The following USP14 variants were observed in gnomAD, a reference collection of about 807,000 sequenced individuals.
The protein encoded by USP14 is ubiquitin carboxyl-terminal hydrolase 14.
USP14 carries 38 observed loss-of-function variants against 76.5 expected under a neutral mutation model. That is an observed-to-expected ratio of 0.50 (90% confidence interval 0.38 to 0.65). The LOEUF is 0.65. Among genes scored for constraint, USP14 ranks in the 30% least tolerant of loss-of-function variants. The pLI is 0.00. For missense variants in USP14, 467 were observed against 586.5 expected (o/e 0.80, Z 2.10); for synonymous variants, 192 against 191.7 (o/e 1.00, Z -0.01).
chr18:158,603 C>T lies in USP14; in HGVS notation c.-96C>T, dbSNP rs1909016926. 2.2e-6 allele frequency: 3 copies of T among 1,379,256 alleles called. No homozygotes were observed. Among genetic ancestry groups the T allele is most frequent in the South Asian group, 2.6e-5 (2 of 76,688 alleles). The allele number at this position is 1,379,256 out of a possible 1,614,324, so 85.4% of individuals were successfully genotyped here. A position where few individuals can be genotyped will look rare whatever the true frequency, so the allele number is the denominator to read the frequency against. On this transcript the variant is annotated 5_prime_UTR_variant, in exon 1 of 16. Coordinates refer to ENST00000261601, the MANE Select transcript of USP14 (RefSeq NM_005151.4). ...AGCCGCCGCCACCACCGCGCCTCCGCCTCGGCCGCCGCCGCAGCTGCTCCT... is the reference window on the plus strand; with the variant it reads ...AGCCGCCGCCACCACCGCGCCTCCGTCTCGGCCGCCGCCGCAGCTGCTCCT...
chr18:168,474 G>A (rs917582198), intron 3 of USP14, among the ~76,000 whole-genome samples: 1 of 151,832 alleles, frequency 6.6e-6, no homozygotes, highest in Non-Finnish European at 1.5e-5. Flanking sequence ...TTGCTTTGTC[G>A]CCCAGGCTGG....
At chr18:179,240 GT>G (rs991672572) in intron 4 of USP14, among the ~76,000 whole-genome samples, 28 of 150,918 alleles carry the variant, frequency 1.9e-4, no homozygotes, top group Non-Finnish European at 1.0e-4. Flanking sequence ...ACAGCTAGGG[GT>G]TTTTTTTTGT....
intron 14 of USP14, 130 bp from the exon 15 acceptor site, chr18:210,256 G>T: frequency 1.4e-6 from 1 of 736,114 alleles, no homozygotes; most frequent in African/African-American, 1.8e-5. Flanking sequence ...ACTATGATTG[G>T]ACAGTAGTAT....
At chr18:176,411 C>G (rs928277988) in intron 3 of USP14, among the ~76,000 whole-genome samples, 5 of 152,144 alleles carry the variant, frequency 3.3e-5, no homozygotes, top group Admixed American at 1.3e-4. Context: ...CCTTAGCCTT[C>G]CGACTACCTT....
In USP14 at chr18:214,220, G is replaced by A. The variant is rs190478689; in HGVS notation, c.*2936G>A. 20 of 162,002 alleles carry A rather than the reference G, an allele frequency of 1.2e-4. No homozygotes were observed. Among genetic ancestry groups the A allele is most frequent in the Admixed American group, 6.0e-4 (10 of 16,548 alleles). The allele number at this position is 162,002 out of a possible 1,614,324, so 10.0% of individuals were successfully genotyped here. On this transcript the variant is annotated 3_prime_UTR_variant, in exon 16 of 16. Coordinates refer to ENST00000261601, the MANE Select transcript of USP14 (RefSeq NM_005151.4). ...TTGTTGATCCTCTGCTTGAAAGCAC[G>A]AATAAGTGAGAACAGAGCAGTCATA...
rs1248073616 is a variant in USP14, at chr18:182,736, CAGTT to C, written c.404+2400_404+2403del. On this transcript the variant is annotated intron_variant, in intron 5 of 15. Coordinates refer to ENST00000261601, the MANE Select transcript of USP14 (RefSeq NM_005151.4). ...CTTCTTAGAGTAACTGGTATTTAAA[CAGTT>C]AGGTGTTATCCCAGCCTGGATGAGA... is the stretch of plus-strand genomic sequence containing the variant. Among the ~76,000 whole-genome samples, 6 of 152,238 alleles carry C rather than the reference CAGTT, an allele frequency of 3.9e-5. No homozygotes were observed. The South Asian group carries it at 8.3e-4, about 21-fold the overall frequency.
chr18:158,878 G>A (rs1263679684), intron 1 of USP14, 164 bp downstream of exon 1: 10 of 1,141,552 alleles, frequency 8.8e-6, no homozygotes, highest in Non-Finnish European at 9.9e-6. Context: ...CCCTCTCCCG[G>A]CTGGGTCGGA....
In USP14 at chr18:163,442, G is replaced by A; in HGVS notation, c.151G>A (p.Gly51Arg). The change falls in exon 2 of 16, where the codon GGA becomes AGA. Residue 51 changes from glycine (G) to arginine (R), a missense_variant. Transcript: ENST00000261601. Reference sequence around the variant, plus strand: ...CAGACAGAAAGTTATGGTGAAAGGAGGAACGCTAAAGGTAAAATGTAGTCC... The same window carrying A: ...CAGACAGAAAGTTATGGTGAAAGGAAGAACGCTAAAGGTAAAATGTAGTCC... ...PARQKVMVKG[G>R]TLKDDDWGNI... The A allele has an allele frequency of 6.2e-7, 1 of 1,612,366 alleles. No individual in the cohort carries two copies. The highest frequency in any genetic ancestry group is 8.5e-7 in the Non-Finnish European group (1 of 1,179,400).
intron 13 of USP14, among the ~76,000 whole-genome samples, chr18:209,522 C>T (rs544900008): frequency 6.6e-6 from 1 of 152,270 alleles, no homozygotes; most frequent in African/African-American, 2.4e-5. Context: ...TTCATTTGTG[C>T]TGGCGTGGTA....
At chr18:202,649 G>A (rs577555763) in intron 10 of USP14, among the ~76,000 whole-genome samples, 1 of 152,164 alleles carries the variant, frequency 6.6e-6, no homozygotes, top group South Asian at 2.1e-4. Context: ...ATTTACACTC[G>A]GAGGAATCCA....
chr18:173,603 T>C (rs1004677052), intron 3 of USP14, among the ~76,000 whole-genome samples: 3 of 151,840 alleles, frequency 2.0e-5, no homozygotes, highest in African/African-American at 7.3e-5. Flanking sequence ...TTTAGTATGT[T>C]GTTGGTCAGA....
At chr18:179,585 G>GT (rs1491016859) in intron 4 of USP14, among the ~76,000 whole-genome samples, 3 of 111,664 alleles carry the variant, frequency 2.7e-5, no homozygotes, top group African/African-American at 3.3e-5. Flanking sequence ...TTTTTTTTTT[G>GT]CTTTTTTTTT....
intron 13 of USP14, among the ~76,000 whole-genome samples, chr18:208,219 T>C (rs935806829): frequency 1.1e-4 from 17 of 152,118 alleles, no homozygotes; most frequent in Non-Finnish European, 1.8e-4. Context: ...TATTTCATAT[T>C]GTGTTTGTTT....
intron 10 of USP14, among the ~76,000 whole-genome samples, chr18:201,452 A>T (rs1056051447): frequency 9.9e-5 from 15 of 152,182 alleles, no homozygotes; most frequent in Non-Finnish European, 1.9e-4. Flanking sequence ...ATAGTTTGGG[A>T]TAAGGTTGGC....
chr18:188,169 T>C (rs1909984968), intron 5 of USP14, among the ~76,000 whole-genome samples: 4 of 152,118 alleles, frequency 2.6e-5, no homozygotes, highest in Admixed American at 2.6e-4. Context: ...TTCTTTTTTC[T>C]TTTTTTCTCC....
At position 199,220 on chromosome 18, in the gene USP14, TGAAGAA is replaced by T. The variant is rs758112641; in HGVS notation, c.788_793del (p.Glu263_Glu264del). ...TACAAAGCATGAAATGTACAGAATC[TGAAGAA>T]GAAGAAGTCACCAAAGGAAAGGAAA... is the stretch of plus-strand genomic sequence containing the variant. On this transcript the variant is annotated inframe_deletion, in exon 10 of 16. Transcript: ENST00000261601. 2 of 1,613,278 alleles carry T rather than the reference TGAAGAA, an allele frequency of 1.2e-6. No individual in the cohort carries two copies. The highest frequency in any genetic ancestry group is 1.7e-6 in the Non-Finnish European group (2 of 1,179,254).
chr18:210,920 C>T (rs1170516130), intron 15 of USP14, among the ~76,000 whole-genome samples: 1 of 152,012 alleles, frequency 6.6e-6, no homozygotes, highest in Admixed American at 6.6e-5. Context: ...AAAAGGCAAG[C>T]AGTGCTCTAG....
In USP14 at chr18:194,468, G is replaced by C. The variant is rs558159224; in HGVS notation, c.463+1568G>C. On this transcript the variant is annotated intron_variant, in intron 6 of 15. Transcript: ENST00000261601. ...ATACATTTAAATTTACAGAAAAGTT[G>C]TAAGAATTCACCAGTTACTAACTTT... Among the ~76,000 whole-genome samples the C allele has an allele frequency of 2.6e-5, 4 of 152,254 alleles. No homozygotes were observed. In the South Asian group the frequency reaches 8.3e-4, roughly 32 times the overall value.
At position 204,996 on chromosome 18, in the gene USP14, T is replaced by G. The variant is rs557493572; in HGVS notation, c.1164+304T>G. On this transcript the variant is annotated intron_variant, in intron 13 of 15. Coordinates refer to ENST00000261601, the MANE Select transcript of USP14 (RefSeq NM_005151.4). ...CGCAAATGATCCTCCCACCTCACCC[T>G]CCCAAGTAGCTGGGACCACAGGCGT... Among the ~76,000 whole-genome samples, 46 of 151,038 alleles carry G rather than the reference T, an allele frequency of 3.0e-4. 1 individual carries two copies. The South Asian group carries it at 7.2e-3, about 24-fold the overall frequency.
Sources: allele counts gnomAD v4.1 joint callset (sites outside exome capture counted in the v4.1 genomes callset), GRCh38; gene constraint gnomAD v4.1.1; transcripts MANE v1.5; gene names NCBI Gene and HGNC (gene_info 2026-07-23, HGNC 2026-07-21).